The following AGTPBP1 variants were observed in gnomAD, a reference collection of about 807,000 sequenced individuals.
The protein encoded by AGTPBP1 is ATP/GTP binding carboxypeptidase 1.
Under a neutral mutation model 143.9 loss-of-function variants are expected in AGTPBP1, and 70 were observed. The observed-to-expected ratio is 0.49, with a 90% CI of 0.40 to 0.59. The LOEUF (loss-of-function observed/expected upper bound fraction) is 0.59, where lower values mean the gene tolerates loss of function less well. AGTPBP1 is among the 20% of genes least tolerant of loss of function. AGTPBP1 has a pLI of 0.00. For synonymous variants in AGTPBP1, 463 were observed against 500.2 expected (o/e 0.93, Z 0.99); for missense variants, 1,229 against 1,464.5 (o/e 0.84, Z 2.62).
At chr9:85,805,058 C>T in the AGTPBP1 span, among the ~76,000 whole-genome samples, 2 of 152,208 alleles carry the variant, frequency 1.3e-5, no homozygotes, top group Admixed American at 6.5e-5. Flanking sequence ...GAGCCCTTCT[C>T]TTCCCTGTGA....
chr9:85,567,064 C>T (rs1022138482), intron 25 of AGTPBP1, among the ~76,000 whole-genome samples: 29 of 152,220 alleles, frequency 1.9e-4, no homozygotes, highest in Non-Finnish European at 3.1e-4. Context: ...TGTGCTGGAG[C>T]CCTGAGAGGG....
At position 85,618,998 on chromosome 9, in the gene AGTPBP1, T is replaced by C; in HGVS notation, c.2320A>G (p.Ser774Gly). 1.2e-6 allele frequency: 2 copies of C among 1,613,388 alleles called. No homozygotes were observed. Among genetic ancestry groups the C allele is most frequent in the Non-Finnish European group, 1.7e-6 (2 of 1,179,696 alleles). Residue 774 changes from serine to glycine, a missense_variant, in exon 17 of 26, where the codon AGT becomes GGT. Physicochemically the swap from Ser to Gly is moderately conservative, Grantham distance 56 (BLOSUM62 0). Around this residue, in one of 2 missense-constraint regions of AGTPBP1, gnomAD observed 486 missense variants for 652.3 expected, o/e 0.75. Coordinates refer to ENST00000357081, the MANE Select transcript of AGTPBP1 (RefSeq NM_001330701.2). ...FNIINCEKSN[S>G]QFNYGMQPLM... is the part of the protein sequence containing the mutation. ...ACTGTCTTACCATAATTAAACTGACTGTTGGACTTTTCACAGTTAATGATG... is the reference window on the plus strand; with the variant it reads ...ACTGTCTTACCATAATTAAACTGACCGTTGGACTTTTCACAGTTAATGATG...
chr9:85,706,165 T>A (rs897469382), intron 2 of AGTPBP1, among the ~76,000 whole-genome samples: 1 of 151,180 alleles, frequency 6.6e-6, no homozygotes, highest in African/African-American at 2.4e-5. Context: ...AAATATTCAT[T>A]AATCTAAGAG....
At chr9:85,686,305 G>A (rs1303896633) in intron 3 of AGTPBP1, among the ~76,000 whole-genome samples, 2 of 152,006 alleles carry the variant, frequency 1.3e-5, no homozygotes, top group African/African-American at 4.8e-5. Context: ...AAGCTTGAAG[G>A]GTTATACTAA....
chr9:85,583,911 T>C (rs550595954), intron 23 of AGTPBP1, among the ~76,000 whole-genome samples: 13 of 152,134 alleles, frequency 8.5e-5, no homozygotes, highest in African/African-American at 3.1e-4. Flanking sequence ...AATTCTTAAG[T>C]GCTATGAAGG....
chr9:85,677,287 G>A (rs933053906), intron 6 of AGTPBP1, 149 bp downstream of exon 6: 5 of 686,486 alleles, frequency 7.3e-6, no homozygotes, highest in African/African-American at 5.7e-5. Flanking sequence ...AAAATATCAT[G>A]TGTACCCCCA....
chr9:85,723,444 C>T (rs149835634), intron 1 of AGTPBP1, among the ~76,000 whole-genome samples: 2,739 of 152,326 alleles, frequency 0.018, 33 homozygotes, highest in South Asian at 0.035. Context: ...GCAGGTTGAT[C>T]TCAGACTGCT....
chr9:85,769,009 A>T, the AGTPBP1 span, among the ~76,000 whole-genome samples: 55 of 150,616 alleles, frequency 3.7e-4, 2 homozygotes, highest in South Asian at 9.9e-3. Context: ...AGATCCCACC[A>T]CTGCACTCCA....
chr9:85,667,320 A>C (rs1834188890), intron 8 of AGTPBP1, among the ~76,000 whole-genome samples: 1 of 152,182 alleles, frequency 6.6e-6, no homozygotes, highest in Admixed American at 6.6e-5. Flanking sequence ...TTATTAAGAA[A>C]GGGTGAAAAC....
intron 14 of AGTPBP1, among the ~76,000 whole-genome samples, chr9:85,631,934 T>C (rs561417185): frequency 1.3e-5 from 2 of 152,354 alleles, no homozygotes; most frequent in African/African-American, 4.8e-5. Context: ...CAATATTTAA[T>C]AATCTTATTG....
intron 3 of AGTPBP1, among the ~76,000 whole-genome samples, chr9:85,686,561 G>A (rs2134207765): frequency 1.3e-5 from 2 of 152,120 alleles, no homozygotes; most frequent in African/African-American, 4.8e-5. Flanking sequence ...TCAATCTGTT[G>A]GCTCTTAATC....
Position 85,547,219 on chromosome 9 carries a change from T to C in AGTPBP1, c.3571A>G (p.Ser1191Gly). Reference sequence around the variant, plus strand: ...AACTCAATATCTAACTCATCATTACTTTCTGCACTGTAATCAACTTCTTCA... The same window carrying C: ...AACTCAATATCTAACTCATCATTACCTTCTGCACTGTAATCAACTTCTTCA... ...FLEEVDYSAE[S>G]NDELDIELAE... is the part of the protein sequence containing the mutation. The change falls in exon 26 of 26, where the codon AGT (serine) becomes GGT (glycine). Residue 1191 changes from serine (S) to glycine (G), a missense_variant. By Grantham distance (56) the Ser-to-Gly change is moderately conservative. Coordinates refer to ENST00000357081, the MANE Select transcript of AGTPBP1 (RefSeq NM_001330701.2). 6.2e-7 allele frequency: 1 copy of C among 1,613,704 alleles called. No homozygotes were observed. The highest frequency in any genetic ancestry group is 8.5e-7 in the Non-Finnish European group (1 of 1,179,868).
chr9:85,739,724 A>G (rs1028954206), intron 1 of AGTPBP1, among the ~76,000 whole-genome samples: 90 of 150,622 alleles, frequency 6.0e-4, no homozygotes, highest in African/African-American at 2.1e-3. Context: ...AAAAAAAAAA[A>G]AAATTCAGGC....
chr9:85,756,593 CTGTA>C, the AGTPBP1 span, among the ~76,000 whole-genome samples: 1 of 152,000 alleles, frequency 6.6e-6, no homozygotes, highest in African/African-American at 2.4e-5. Flanking sequence ...AGATCTATCT[CTGTA>C]TGTATTTCTC....
At chr9:85,760,037 T>C in the AGTPBP1 span, among the ~76,000 whole-genome samples, 1 of 152,236 alleles carries the variant, frequency 6.6e-6, no homozygotes, top group South Asian at 2.1e-4. Context: ...GATAAATTCC[T>C]GGACACGTAC....
chr9:85,746,146 T>C (rs1824577641), upstream of AGTPBP1, among the ~76,000 whole-genome samples: 1 of 152,144 alleles, frequency 6.6e-6, no homozygotes, highest in African/African-American at 2.4e-5. Context: ...ATAGACGTCA[T>C]ACCTGATGGA....
chr9:85,660,727 T>C (rs1304847739), intron 9 of AGTPBP1, among the ~76,000 whole-genome samples: 3 of 152,172 alleles, frequency 2.0e-5, no homozygotes, highest in Non-Finnish European at 4.4e-5. Flanking sequence ...TATATAAATG[T>C]ACTAAATAAA....
intron 2 of AGTPBP1, among the ~76,000 whole-genome samples, chr9:85,704,404 C>G (rs1836855204): frequency 6.6e-6 from 1 of 152,124 alleles, no homozygotes. Context: ...AGAAAGGATT[C>G]AAAGTAATAC....
chr9:85,636,615 A>C (rs1338281605), intron 13 of AGTPBP1, among the ~76,000 whole-genome samples: 1 of 152,178 alleles, frequency 6.6e-6, no homozygotes, highest in Admixed American at 6.6e-5. Context: ...TAGGAAACTG[A>C]CAGATAGTTC....
Sources: gnomAD v4.1 joint callset for allele counts (sites outside exome capture counted in the v4.1 genomes callset) on GRCh38, gnomAD v4.1.1 for gene constraint, gnomAD v4.1.1 regional missense constraint, MANE v1.5 for transcripts, NCBI Gene and HGNC (gene_info 2026-07-23, HGNC 2026-07-21) for gene names.